ZMYND11: variants seen among roughly 807,000 people sequenced by gnomAD.
The protein encoded by ZMYND11 is zinc finger MYND domain-containing protein 11.
ZMYND11 carries 9 observed loss-of-function variants against 84.9 expected under a neutral mutation model. The ratio of observed to expected loss-of-function variants is 0.11; its 90% CI spans 0.06 to 0.18. The LOEUF is 0.18. Among genes scored for constraint, ZMYND11 ranks in the 10% least tolerant of loss-of-function variants. ZMYND11 has a pLI of 1.00. For synonymous variants in ZMYND11, 250 were observed against 244.1 expected (o/e 1.02, Z -0.23); for missense variants, 409 against 761.0 (o/e 0.54, Z 5.44).
At chr10:196,318 C>T (rs1055852293) in intron 2 of ZMYND11, among the ~76,000 whole-genome samples, 1 of 152,092 alleles carries the variant, frequency 6.6e-6, no homozygotes, top group Non-Finnish European at 1.5e-5. Context: ...GAATTCTATT[C>T]AGTGTTATCA....
chr10:208,975 G>A (rs1383564556), intron 2 of ZMYND11, among the ~76,000 whole-genome samples: 1 of 151,864 alleles, frequency 6.6e-6, no homozygotes, highest in Non-Finnish European at 1.5e-5. Flanking sequence ...GTAGTTAACT[G>A]GAGATACAGG....
At chr10:146,673 C>G (rs1838936278) in intron 1 of ZMYND11, among the ~76,000 whole-genome samples, 1 of 152,100 alleles carries the variant, frequency 6.6e-6, no homozygotes, top group Non-Finnish European at 1.5e-5. Context: ...GATTTGATTT[C>G]TTAGTGATAT....
chr10:193,008 T>C (rs1940842639), intron 2 of ZMYND11, among the ~76,000 whole-genome samples: 1 of 152,244 alleles, frequency 6.6e-6, no homozygotes, highest in Admixed American at 6.5e-5. Context: ...TTTTCCATAG[T>C]TTTATTTCTT....
At chr10:159,051 C>T (rs1298852423) in intron 1 of ZMYND11, among the ~76,000 whole-genome samples, 1 of 101,038 alleles carries the variant, frequency 9.9e-6, no homozygotes, top group African/African-American at 3.6e-5. Context: ...TTCTTTGAAA[C>T]ACAAAACTTT....
At chr10:208,594 C>T (rs1766937187) in intron 2 of ZMYND11, among the ~76,000 whole-genome samples, 1 of 152,066 alleles carries the variant, frequency 6.6e-6, no homozygotes, top group Non-Finnish European at 1.5e-5. Context: ...GCACTCAGTC[C>T]CTGAGATAGT....
intron 6 of ZMYND11, among the ~76,000 whole-genome samples, chr10:239,109 C>T (rs1441722497): frequency 6.6e-6 from 1 of 152,198 alleles, no homozygotes; most frequent in Non-Finnish European, 1.5e-5. Context: ...CCCACACTGG[C>T]CCAAGCATTC....
At chr10:183,417 T>C (rs768289759) in intron 2 of ZMYND11, among the ~76,000 whole-genome samples, 3 of 152,156 alleles carry the variant, frequency 2.0e-5, no homozygotes, top group Non-Finnish European at 2.9e-5. Context: ...GAGTGGTATG[T>C]TCTACCATCA....
At chr10:234,659 G>C (rs1208636217) in intron 4 of ZMYND11, among the ~76,000 whole-genome samples, 1 of 152,212 alleles carries the variant, frequency 6.6e-6, no homozygotes, top group Non-Finnish European at 1.5e-5. Context: ...GAGTTGGCAT[G>C]AGAGAAGGCC....
chr10:249,629 T>G, intron 14 of ZMYND11: 1 of 985,420 alleles, frequency 1.0e-6, no homozygotes, highest in Non-Finnish European at 1.2e-6. Context: ...TGCTCGCCAG[T>G]CTCATCCTCC....
chr10:144,892 T>G (rs569959203), intron 1 of ZMYND11, among the ~76,000 whole-genome samples: 1 of 150,682 alleles, frequency 6.6e-6, no homozygotes, highest in South Asian at 2.1e-4. Flanking sequence ...ATATTAAATA[T>G]TAAAGAGATT....
At chr10:172,625 C>A (rs782315637) in intron 1 of ZMYND11, among the ~76,000 whole-genome samples, 76 of 152,196 alleles carry the variant, frequency 5.0e-4, no homozygotes, top group Middle Eastern at 3.4e-3. Context: ...TGAGATATTC[C>A]ATGTTCATGG....
chr10:152,715 C>G (rs1395875017), intron 1 of ZMYND11, among the ~76,000 whole-genome samples: 1 of 152,122 alleles, frequency 6.6e-6, no homozygotes, highest in Non-Finnish European at 1.5e-5. Flanking sequence ...AGCGGACCTA[C>G]TAGACATCTA....
At chr10:196,773 T>A (rs541556871) in intron 2 of ZMYND11, among the ~76,000 whole-genome samples, 1 of 152,336 alleles carries the variant, frequency 6.6e-6, no homozygotes, top group African/African-American at 2.4e-5. Flanking sequence ...TGTAAGACAT[T>A]GATTAATTCA....
intron 2 of ZMYND11, among the ~76,000 whole-genome samples, chr10:192,916 T>C (rs1940815708): frequency 1.3e-5 from 2 of 152,350 alleles, no homozygotes; most frequent in Admixed American, 6.5e-5. Flanking sequence ...CACGGGGTGC[T>C]CTTTATTCTA....
chr10:142,936 G>A (rs1837829698), intron 1 of ZMYND11, among the ~76,000 whole-genome samples: 1 of 152,130 alleles, frequency 6.6e-6, no homozygotes, highest in Admixed American at 6.5e-5. Flanking sequence ...TTGGTTCAGG[G>A]GCAGGAGCAC....
At chr10:152,268 G>A (rs1840563162) in intron 1 of ZMYND11, among the ~76,000 whole-genome samples, 1 of 152,118 alleles carries the variant, frequency 6.6e-6, no homozygotes, top group Non-Finnish European at 1.5e-5. Context: ...GACACAGACT[G>A]GCAAATTGGA....
chr10:149,946 A>C (rs1839911928), intron 1 of ZMYND11, among the ~76,000 whole-genome samples: 1 of 152,216 alleles, frequency 6.6e-6, no homozygotes, highest in East Asian at 1.9e-4. Context: ...CCAACCTTGC[A>C]TCCCAGGGAT....
chr10:248,152 ATTTGT>A, intron 12 of ZMYND11, among the ~76,000 whole-genome samples, 179 bp from the exon 13 acceptor site: 1 of 152,104 alleles, frequency 6.6e-6, no homozygotes, highest in East Asian at 1.9e-4. Context: ...ATTGGGGGAG[ATTTGT>A]TTATTTTTAA....
intron 1 of ZMYND11, among the ~76,000 whole-genome samples, chr10:177,318 C>T (rs1488239565): frequency 6.6e-6 from 1 of 152,020 alleles, no homozygotes; most frequent in Non-Finnish European, 1.5e-5. Flanking sequence ...TTTGTCTTTC[C>T]CTGGCATTTT....
Sources: allele counts gnomAD v4.1 joint callset (sites outside exome capture counted in the v4.1 genomes callset), GRCh38; gene constraint gnomAD v4.1.1; transcripts MANE v1.5; gene names NCBI Gene and HGNC (gene_info 2026-07-23, HGNC 2026-07-21).